The following TENM3 variants were observed in gnomAD, a reference collection of about 807,000 sequenced individuals.
The protein encoded by TENM3 is teneurin-3.
TENM3 carries 63 observed loss-of-function variants against 255.1 expected under a neutral mutation model. The ratio of observed to expected loss-of-function variants is 0.25; its 90% CI spans 0.20 to 0.30. The LOEUF is 0.30. Among genes scored for constraint, TENM3 ranks in the 10% least tolerant of loss-of-function variants. The pLI, the probability that TENM3 is intolerant of heterozygous loss-of-function variation, is 1.00. For missense variants in TENM3, 2,929 were observed against 3,461.1 expected, an observed-to-expected ratio of 0.85 and a Z score of 3.86; for synonymous variants, 1,306 against 1,322.3, an observed-to-expected ratio of 0.99 and a Z score of 0.27.
intron 6 of TENM3, among the ~76,000 whole-genome samples, chr4:182,665,999 T>G (rs773565909): frequency 3.9e-5 from 6 of 152,272 alleles, no homozygotes; most frequent in Non-Finnish European, 1.5e-5. Context: ...AGCAAGAGTT[T>G]GGAACTTAAT....
At chr4:181,837,940 C>T in the TENM3 span, among the ~76,000 whole-genome samples, 1 of 152,190 alleles carries the variant, frequency 6.6e-6, no homozygotes, top group African/African-American at 2.4e-5. Flanking sequence ...GAGTTTGAGA[C>T]CAGCCTGACC....
At chr4:181,605,730 A>G in the TENM3 span, among the ~76,000 whole-genome samples, 1 of 152,218 alleles carries the variant, frequency 6.6e-6, no homozygotes, top group Non-Finnish European at 1.5e-5. Context: ...ACTAGAATAG[A>G]ATCAAACTCT....
intron 12 of TENM3, among the ~76,000 whole-genome samples, chr4:182,701,240 A>G (rs1422090524): frequency 3.7e-4 from 2 of 5,462 alleles, no homozygotes; most frequent in East Asian, 1.0e-3. Flanking sequence ...TTTTTTTTTG[A>G]GACAGAGTCT....
chr4:181,534,554 CTA>C, the TENM3 span, among the ~76,000 whole-genome samples: 1 of 152,022 alleles, frequency 6.6e-6, no homozygotes, highest in East Asian at 1.9e-4. Flanking sequence ...GTGATGCCTG[CTA>C]TGAGTAATGT....
intron 1 of TENM3, among the ~76,000 whole-genome samples, chr4:182,204,582 C>T: frequency 6.6e-6 from 1 of 152,160 alleles, no homozygotes; most frequent in East Asian, 1.9e-4. Context: ...TCGTTGCCTC[C>T]CACTGTCTGT....
At chr4:181,614,514 T>A in the TENM3 span, among the ~76,000 whole-genome samples, 1 of 152,190 alleles carries the variant, frequency 6.6e-6, no homozygotes, top group Admixed American at 6.5e-5. Context: ...AAACTCTAAG[T>A]GATGCTGAGA....
intron 26 of TENM3, among the ~76,000 whole-genome samples, chr4:182,794,998 G>C (rs964907210): frequency 6.6e-6 from 1 of 151,666 alleles, no homozygotes; most frequent in African/African-American, 2.4e-5. Flanking sequence ...TTTGGCTTGT[G>C]TTAGATGCTC....
intron 3 of TENM3, among the ~76,000 whole-genome samples, chr4:182,386,998 A>T (rs1242637822): frequency 1.3e-5 from 2 of 152,210 alleles, no homozygotes; most frequent in Non-Finnish European, 2.9e-5. Flanking sequence ...CCACTGGGTG[A>T]AGCCAGCTGG....
the TENM3 span, among the ~76,000 whole-genome samples, chr4:181,526,452 A>G: frequency 6.6e-6 from 1 of 152,044 alleles, no homozygotes; most frequent in African/African-American, 2.4e-5. Flanking sequence ...TAGCCAGGAG[A>G]GATTGGAAGT....
chr4:181,465,860 A>G, the TENM3 span, among the ~76,000 whole-genome samples: 1 of 152,260 alleles, frequency 6.6e-6, no homozygotes, highest in Non-Finnish European at 1.5e-5. Flanking sequence ...CACAGAGTGA[A>G]GGACTGGGAC....
chr4:182,269,330 A>G (rs1322187617), intron 1 of TENM3, among the ~76,000 whole-genome samples: 1 of 152,232 alleles, frequency 6.6e-6, no homozygotes, highest in Non-Finnish European at 1.5e-5. Flanking sequence ...CAAGAAAGGA[A>G]AAATCATAGA....
At chr4:181,782,433 G>A in the TENM3 span, among the ~76,000 whole-genome samples, 46 of 152,204 alleles carry the variant, frequency 3.0e-4, no homozygotes, top group African/African-American at 1.0e-3. Context: ...ATTCTCTGAT[G>A]GTAGTTCGTA....
intron 3 of TENM3, among the ~76,000 whole-genome samples, chr4:182,453,363 T>C (rs1013684713): frequency 2.6e-5 from 4 of 152,166 alleles, no homozygotes; most frequent in African/African-American, 7.2e-5. Context: ...ACGCAAATAT[T>C]TGTGGGCATG....
At chr4:182,331,095 C>T (rs72698095) in intron 2 of TENM3, among the ~76,000 whole-genome samples, 1 of 152,020 alleles carries the variant, frequency 6.6e-6, no homozygotes, top group Non-Finnish European at 1.5e-5. Context: ...AATAGACCCA[C>T]CTAATTAGCA....
chr4:181,885,684 G>T, the TENM3 span, among the ~76,000 whole-genome samples: 1 of 152,088 alleles, frequency 6.6e-6, no homozygotes, highest in African/African-American at 2.4e-5. Flanking sequence ...ATAATTCATA[G>T]AGACCAAGGT....
At chr4:181,739,123 C>T in the TENM3 span, among the ~76,000 whole-genome samples, 1 of 152,206 alleles carries the variant, frequency 6.6e-6, no homozygotes, top group African/African-American at 2.4e-5. Context: ...TAGCCTGGAA[C>T]AAAACGCCAG....
chr4:181,551,838 ATGTGTGTGTGTGTGTG>A, the TENM3 span, among the ~76,000 whole-genome samples: 1,942 of 138,934 alleles, frequency 0.014, 22 homozygotes, highest in African/African-American at 0.025. Flanking sequence ...ATATATGTAT[ATGTGTGTGTGTGTGTG>A]TGTGTGTGTG....
the TENM3 span, among the ~76,000 whole-genome samples, chr4:181,477,151 C>T: frequency 2.6e-5 from 4 of 152,100 alleles, no homozygotes; most frequent in South Asian, 2.1e-4. Context: ...TTCTACTCAG[C>T]GCCAGTTACA....
chr4:181,789,664 TG>T, the TENM3 span, among the ~76,000 whole-genome samples: 1 of 152,038 alleles, frequency 6.6e-6, no homozygotes, highest in Admixed American at 6.6e-5. Flanking sequence ...ATTTCAGGGT[TG>T]GGATTTTCAG....
Sources: gnomAD v4.1 joint callset for allele counts (sites outside exome capture counted in the v4.1 genomes callset) on GRCh38, gnomAD v4.1.1 for gene constraint, MANE v1.5 for transcripts, NCBI Gene and HGNC (gene_info 2026-07-23, HGNC 2026-07-21) for gene names.